Variants in NEGR1 observed in about 807,000 individuals in gnomAD.
NEGR1 encodes IgLON family member 4.
NEGR1 carries 10 observed loss-of-function variants against 40.9 expected under a neutral mutation model. The ratio of observed to expected loss-of-function variants is 0.24; its 90% CI spans 0.15 to 0.42. NEGR1 has a LOEUF of 0.42. Ranked by LOEUF, NEGR1 falls within the 10% of genes least tolerant of loss-of-function variation. NEGR1 has a pLI of 1.00. For missense variants in NEGR1, 352 were observed against 438.9 expected, an observed-to-expected ratio of 0.80 and a Z score of 1.77; for synonymous variants, 185 against 166.8, an observed-to-expected ratio of 1.11 and a Z score of -0.84.
chr1:72,115,431 C>G (rs536509357), intron 1 of NEGR1, among the ~76,000 whole-genome samples: 1 of 151,584 alleles, frequency 6.6e-6, no homozygotes, highest in African/African-American at 2.4e-5. Context: ...GTAGAAAGTC[C>G]TATTCAGCGT....
At chr1:72,138,644 A>C (rs74087163) in intron 1 of NEGR1, among the ~76,000 whole-genome samples, 3,452 of 152,138 alleles carry the variant, frequency 0.023, 140 homozygotes, top group African/African-American at 0.078. Context: ...TTTCATAACT[A>C]TAAAGTGGCC....
At chr1:72,068,766 G>T (rs1249959029) in intron 1 of NEGR1, among the ~76,000 whole-genome samples, 1 of 152,046 alleles carries the variant, frequency 6.6e-6, no homozygotes, top group Non-Finnish European at 1.5e-5. Context: ...TGGTGATTTT[G>T]TCTTACCAAG....
rs374884396 is a variant in NEGR1 at position 71,407,535 on chromosome 1, C to T, written c.976G>A (p.Ala326Thr). 3.2e-5 allele frequency: 51 copies of T among 1,611,978 alleles called. 1 individual carries two copies. In the Admixed American group the frequency reaches 4.7e-4, roughly 15 times the overall value. Residue 326 changes from alanine (A) to threonine (T), a missense_variant, in exon 7 of 7, where the codon GCT (alanine) becomes ACT (threonine). Coordinates refer to ENST00000357731, the MANE Select transcript of NEGR1 (RefSeq NM_173808.3). ...TACCAGCAGGAGAAAAGAACATCAG[C>T]GCTCCCGGTAATTCCATACTGGGCT... ...STAQYGITGS[A>T]DVLFSCWYLV...
intron 1 of NEGR1, among the ~76,000 whole-genome samples, chr1:72,032,253 C>CATA (rs1557492626): frequency 6.6e-6 from 1 of 152,156 alleles, no homozygotes; most frequent in African/African-American, 2.4e-5. Flanking sequence ...GATGGCCCAT[C>CATA]ATAAGCATCC....
chr1:72,188,894 A>T (rs1357640183), intron 1 of NEGR1, among the ~76,000 whole-genome samples: 1 of 151,638 alleles, frequency 6.6e-6, no homozygotes, highest in African/African-American at 2.4e-5. Flanking sequence ...GCAGATAAAA[A>T]CAAAACAAGA....
chr1:71,920,943 G>C (rs1418532214), intron 2 of NEGR1, among the ~76,000 whole-genome samples: 1 of 152,086 alleles, frequency 6.6e-6, no homozygotes, highest in Non-Finnish European at 1.5e-5. Flanking sequence ...TTGTGTATTT[G>C]TAGCTCTAAT....
chr1:72,211,160 T>G (rs958389089), intron 1 of NEGR1, among the ~76,000 whole-genome samples: 8 of 151,818 alleles, frequency 5.3e-5, no homozygotes, highest in Non-Finnish European at 1.2e-4. Flanking sequence ...AGGATTCTAA[T>G]CAGTCTCTTG....
chr1:71,545,913 A>T (rs1647880724), intron 6 of NEGR1, among the ~76,000 whole-genome samples: 1 of 151,684 alleles, frequency 6.6e-6, no homozygotes, highest in South Asian at 2.1e-4. Context: ...CTCTCTGTAA[A>T]ATTAGCAATC....
chr1:71,427,052 T>C (rs1646433344), intron 6 of NEGR1, among the ~76,000 whole-genome samples: 1 of 152,214 alleles, frequency 6.6e-6, no homozygotes, highest in Non-Finnish European at 1.5e-5. Flanking sequence ...TTAGGCTCAT[T>C]GCCTGAATAA....
At chr1:71,988,209 TGCCAA>T (rs1646416106) in intron 1 of NEGR1, among the ~76,000 whole-genome samples, 1 of 151,860 alleles carries the variant, frequency 6.6e-6, no homozygotes, top group South Asian at 2.1e-4. Flanking sequence ...CCTCCAATCA[TGCCAA>T]GAACAGAGGC....
In NEGR1 at chr1:71,935,073, A is replaced by G; in HGVS notation, c.409+6T>C. 1 of 1,559,098 alleles carries G rather than the reference A, an allele frequency of 6.4e-7. No individual in the cohort carries two copies. The highest frequency in any genetic ancestry group is 8.8e-7 in the Non-Finnish European group (1 of 1,130,152). On this transcript the variant is annotated splice_donor_region_variant and intron_variant, in intron 2 of 6. Transcript: ENST00000357731. ...TTCACAATATAGCAGTTCTGAAAAT[A>G]CATACCTTGCACAGTTAGATGCACC... is the stretch of plus-strand genomic sequence containing the variant.
At chr1:72,160,802 T>C (rs1651528910) in intron 1 of NEGR1, among the ~76,000 whole-genome samples, 1 of 152,122 alleles carries the variant, frequency 6.6e-6, no homozygotes, top group South Asian at 2.1e-4. Flanking sequence ...TACCTGAAGG[T>C]AGAAAAATGC....
chr1:72,154,856 T>G (rs921708984), intron 1 of NEGR1, among the ~76,000 whole-genome samples: 1 of 151,962 alleles, frequency 6.6e-6, no homozygotes, highest in South Asian at 2.1e-4. Flanking sequence ...AGAAGTCACA[T>G]TTGAACAGGG....
intron 3 of NEGR1, among the ~76,000 whole-genome samples, chr1:71,705,843 A>AGAAGGAAGGAAGAGAGGAAG (rs1653875573): frequency 6.6e-6 from 1 of 151,742 alleles, no homozygotes; most frequent in Admixed American, 6.6e-5. Flanking sequence ...AAAGAGAGAG[A>AGAAGGAAGGAAGAGAGGAAG]GAAGGAAGGA....
Position 72,202,570 on chromosome 1 carries a change from A to G in NEGR1, c.176+79749T>C, listed in dbSNP as rs186870498. 4.9e-4 allele frequency among the ~76,000 whole-genome samples: 75 copies of G among 152,122 alleles called. No individual in the cohort carries two copies. The East Asian group carries it at 0.013, about 26-fold the overall frequency. ...GTGCAATAGCTTTATTATGGATATA[A>G]AGAGTGTTTTAGTGGTCTGGATAGA... is the stretch of plus-strand genomic sequence containing the variant. On this transcript the variant is annotated intron_variant, in intron 1 of 6. Transcript: ENST00000357731.
chr1:71,515,482 T>A (rs1299557226), intron 6 of NEGR1, among the ~76,000 whole-genome samples: 8 of 29,628 alleles, frequency 2.7e-4, no homozygotes, highest in Non-Finnish European at 4.4e-4. Context: ...CTAAGCTTCA[T>A]AAGTGAAGGA....
At chr1:71,639,785 C>T (rs990131146) in intron 4 of NEGR1, among the ~76,000 whole-genome samples, 24 of 151,884 alleles carry the variant, frequency 1.6e-4, no homozygotes, top group South Asian at 6.2e-4. Flanking sequence ...TGAATGGAGA[C>T]GTACATTTCA....
At chr1:71,673,443 A>ACTTGT (rs55798905) in intron 4 of NEGR1, among the ~76,000 whole-genome samples, 149,594 of 152,128 alleles carry the variant, frequency 0.98, 73,592 homozygotes, top group Middle Eastern at 1. Context: ...AGTAAATTTT[A>ACTTGT]ATACAACTTG....
intron 2 of NEGR1, among the ~76,000 whole-genome samples, chr1:71,857,664 A>C (rs1402970875): frequency 1.3e-5 from 2 of 148,502 alleles, no homozygotes; most frequent in Non-Finnish European, 3.0e-5. Flanking sequence ...AAATTGAACC[A>C]CAATCTTCCT....
Sources: allele counts gnomAD v4.1 joint callset (sites outside exome capture counted in the v4.1 genomes callset), GRCh38; gene constraint gnomAD v4.1.1; transcripts MANE v1.5; gene names NCBI Gene and HGNC (gene_info 2026-07-23, HGNC 2026-07-21).